The following RUNX3 variants were observed in gnomAD, a reference collection of about 807,000 sequenced individuals.
RUNX3 encodes RUNX family transcription factor 3.
RUNX3 carries 10 observed loss-of-function variants against 27.7 expected under a neutral mutation model. The ratio of observed to expected loss-of-function variants is 0.36; its 90% CI spans 0.22 to 0.61. The LOEUF (loss-of-function observed/expected upper bound fraction) is 0.61, where lower values mean the gene tolerates loss of function less well. RUNX3 is among the 20% of genes least tolerant of loss of function. The pLI, the probability that RUNX3 is intolerant of heterozygous loss-of-function variation, is 0.72. For missense variants in RUNX3, 469 were observed against 629.5 expected (o/e 0.75, Z 2.73); for synonymous variants, 270 against 269.2 (o/e 1.00, Z -0.03).
In RUNX3 at chr1:24,902,395, G is replaced by A. The variant is rs1409212419; in HGVS notation, c.975C>T (p.Ala325=). The A allele has an allele frequency of 9.3e-6, 15 of 1,612,650 alleles. No individual in the cohort carries two copies. The highest frequency in any genetic ancestry group is 5.3e-5 in the African/African-American group (4 of 74,916). ...APQNQSGPFQ[A]NPSPYHLYYG... Reference sequence around the variant, plus strand: ...AGTAGAGGTGGTAGGGGGACGGGTTGGCCTGGAAGGGCCCGCTCTGGTTCT... The same window carrying A: ...AGTAGAGGTGGTAGGGGGACGGGTTAGCCTGGAAGGGCCCGCTCTGGTTCT... The change falls in exon 5 of 5, where the codon GCC becomes GCT. Residue 325 remains alanine (A), a synonymous_variant. Transcript: ENST00000308873. The surrounding 1 kb of genome is among the most constrained non-coding windows in gnomAD (Gnocchi z 9.2).
In RUNX3 at chr1:24,901,837, G is replaced by C. The variant is rs1640558219; in HGVS notation, c.*285C>G. 1 of 446,700 alleles carries C rather than the reference G, an allele frequency of 2.2e-6. No homozygotes were observed. Among genetic ancestry groups the C allele is most frequent in the Non-Finnish European group, 4.0e-6 (1 of 248,740 alleles). The allele number at this position is 446,700 out of a possible 1,614,324, so 27.7% of individuals were successfully genotyped here. A position where few individuals can be genotyped will look rare whatever the true frequency, so the allele number is the denominator to read the frequency against. On this transcript the variant is annotated 3_prime_UTR_variant, in exon 5 of 5. Transcript: ENST00000308873. ...CTGGAGACAGTGAGGTCCTTCCGGG[G>C]GGGTGGCAGGAGGCTGATTCCCCAC...
upstream of RUNX3, among the ~76,000 whole-genome samples, chr1:24,933,797 GT>G (rs1641285837): frequency 6.6e-6 from 1 of 152,210 alleles, no homozygotes; most frequent in Admixed American, 6.5e-5. Flanking sequence ...CAGGGACCCC[GT>G]TTCCTTCCCA....
chr1:24,944,525 G>T (rs975007041), intron 2 of RUNX3, among the ~76,000 whole-genome samples: 2 of 152,166 alleles, frequency 1.3e-5, no homozygotes, highest in East Asian at 3.8e-4. Flanking sequence ...AAGGGACTTC[G>T]CAGATGTGAT....
At chr1:24,903,315 A>G (rs1640603392) in intron 4 of RUNX3, among the ~76,000 whole-genome samples, 1 of 152,198 alleles carries the variant, frequency 6.6e-6, no homozygotes, top group Non-Finnish European at 1.5e-5. Flanking sequence ...CTGAGTTCAC[A>G]GGAGCTCTGG....
rs541973222 is a variant in RUNX3 at position 24,919,207 on chromosome 1, G to T, written c.544+33C>A. The T allele has an allele frequency of 1.1e-4, 158 of 1,398,408 alleles. 1 individual carries two copies. In the Middle Eastern group the frequency reaches 1.4e-3, roughly 13 times the overall value. 86.6% of individuals were successfully genotyped at this position (1,398,408 alleles called of 1,614,324 possible). ...TTCCCGCACTGGACCCTCCTCCCCC[G>T]CGCAGGGGCTCAGGGGGCTCGGTGG... On this transcript the variant is annotated intron_variant, in intron 3 of 4. Coordinates refer to ENST00000308873, the MANE Select transcript of RUNX3 (RefSeq NM_004350.3).
chr1:24,945,887 C>A (rs773470167), intron 2 of RUNX3, among the ~76,000 whole-genome samples: 1 of 152,196 alleles, frequency 6.6e-6, no homozygotes, highest in African/African-American at 2.4e-5. Flanking sequence ...CCCTCCCCAC[C>A]ATGGCCCCTT....
chr1:24,945,192 C>CT (rs1283243722), intron 2 of RUNX3, among the ~76,000 whole-genome samples: 1 of 152,082 alleles, frequency 6.6e-6, no homozygotes, highest in African/African-American at 2.4e-5. Flanking sequence ...TAATGAACTC[C>CT]TTTTTAGTAT....
At chr1:24,914,880 G>A (rs1640858717) in intron 3 of RUNX3, among the ~76,000 whole-genome samples, 1 of 152,098 alleles carries the variant, frequency 6.6e-6, no homozygotes, top group Non-Finnish European at 1.5e-5. Context: ...TCAGGCCCCT[G>A]CTCAAAGGTC....
chr1:24,956,563 T>C (rs1641930920), intron 2 of RUNX3, among the ~76,000 whole-genome samples: 1 of 152,094 alleles, frequency 6.6e-6, no homozygotes, highest in Non-Finnish European at 1.5e-5. Context: ...GACTTGGAGG[T>C]CCTTTCTCCA....
chr1:24,926,652 G>A (rs938435698), intron 2 of RUNX3, among the ~76,000 whole-genome samples: 1 of 152,210 alleles, frequency 6.6e-6, no homozygotes, highest in Non-Finnish European at 1.5e-5. Flanking sequence ...CTGTTTATTG[G>A]TGATGAAAAG....
At chr1:24,939,217 A>T (rs1039609357) in intron 2 of RUNX3, among the ~76,000 whole-genome samples, 1 of 152,132 alleles carries the variant, frequency 6.6e-6, no homozygotes, top group Non-Finnish European at 1.5e-5. Context: ...ACGCACACAC[A>T]TCTATACCCT....
At position 24,929,876 on chromosome 1, in the gene RUNX3, G is replaced by A. The variant is rs1641181954; in HGVS notation, c.-8C>T. The A allele has an allele frequency of 2.3e-6, 3 of 1,282,412 alleles. No homozygotes were observed. Among genetic ancestry groups the A allele is most frequent in the African/African-American group, 3.1e-5 (2 of 64,536 alleles). The allele number at this position is 1,282,412 out of a possible 1,614,324, so 79.4% of individuals were successfully genotyped here. ...GTCTACGGGAATACGCATAACAGCGGCCGTCAGGGCGCCGGGCAGGCGGAG... is the reference window on the plus strand; with the variant it reads ...GTCTACGGGAATACGCATAACAGCGACCGTCAGGGCGCCGGGCAGGCGGAG... On this transcript the variant is annotated 5_prime_UTR_variant, in exon 1 of 5. Transcript: ENST00000308873.
chr1:24,909,707 C>T (rs572721792), intron 3 of RUNX3, among the ~76,000 whole-genome samples: 5 of 152,356 alleles, frequency 3.3e-5, no homozygotes, highest in Admixed American at 6.5e-5. Flanking sequence ...GCAACACTCC[C>T]GGGAACGTCC....
At chr1:24,957,355 TC>T (rs1641966369) in intron 2 of RUNX3, among the ~76,000 whole-genome samples, 1 of 151,962 alleles carries the variant, frequency 6.6e-6, no homozygotes, top group Non-Finnish European at 1.5e-5. Context: ...CATCCATCCA[TC>T]CATCCATCCA....
At position 24,901,221 on chromosome 1, in the gene RUNX3, T is replaced by G. The variant is rs1640542111; in HGVS notation, c.*901A>C. The G allele has an allele frequency of 6.6e-6, 1 of 151,952 alleles. No homozygotes were observed. The highest frequency in any genetic ancestry group is 6.6e-5 in the Admixed American group (1 of 15,254). 9.4% of individuals were successfully genotyped at this position (151,952 alleles called of 1,614,324 possible). A position where few individuals can be genotyped will look rare whatever the true frequency, so the allele number is the denominator to read the frequency against. On this transcript the variant is annotated 3_prime_UTR_variant, in exon 5 of 5. Coordinates refer to ENST00000308873, the MANE Select transcript of RUNX3 (RefSeq NM_004350.3). ...GTCTGACCCAAAATGATCCCTCACC[T>G]CAATGCCTTCTGCTAGGACCTATCT... is the stretch of plus-strand genomic sequence containing the variant.
At chr1:24,934,006 A>G (rs1641290555), upstream of RUNX3, among the ~76,000 whole-genome samples, 1 of 152,154 alleles carries the variant, frequency 6.6e-6, no homozygotes, top group South Asian at 2.1e-4. Context: ...CTGAGCCTCA[A>G]TTTCCTCTTC....
chr1:24,930,311 C>T (rs1420329724), upstream of RUNX3: 3 of 790,418 alleles, frequency 3.8e-6, no homozygotes, highest in Non-Finnish European at 4.6e-6. The surrounding 1 kb of genome is among the most constrained non-coding windows in gnomAD (Gnocchi z 4.1). Context: ...TTAGTACCCC[C>T]GGGGCCCGCG....
At chr1:24,955,372 G>A (rs1338821928) in intron 2 of RUNX3, among the ~76,000 whole-genome samples, 4 of 152,168 alleles carry the variant, frequency 2.6e-5, no homozygotes, top group Non-Finnish European at 5.9e-5. Flanking sequence ...GATGACTCAA[G>A]GTCCTCTTTC....
rs994825683 is a variant in RUNX3 at position 24,927,909 on chromosome 1, C to A, written c.283-179G>T. ...AATAAAGACCTTCCCCCAAATATCA[C>A]GAAAACAAGAAGATGGAATCTCGAG... On this transcript the variant is annotated intron_variant, in intron 1 of 4. Transcript: ENST00000308873. This position sits in a 1 kb window ranked among gnomAD's most constrained non-coding sequence, Gnocchi z 5.0. Among the ~76,000 whole-genome samples the A allele has an allele frequency of 1.3e-5, 2 of 152,144 alleles. No homozygotes were observed. The highest frequency in any genetic ancestry group is 6.5e-5 in the Admixed American group (1 of 15,280).
Sources: gnomAD v4.1 joint callset for allele counts (sites outside exome capture counted in the v4.1 genomes callset) on GRCh38, gnomAD v4.1.1 for gene constraint, Gnocchi (gnomAD v3.1) non-coding constraint, MANE v1.5 for transcripts, NCBI Gene and HGNC (gene_info 2026-07-23, HGNC 2026-07-21) for gene names.